PRKAG3: variants seen among roughly 807,000 people sequenced by gnomAD.
The protein encoded by PRKAG3 is 5'-AMP-activated protein kinase subunit gamma-3.
In PRKAG3, 39 loss-of-function variants were observed where a neutral mutation model predicts 56.5. The ratio of observed to expected loss-of-function variants is 0.69; its 90% CI spans 0.53 to 0.90. The LOEUF is 0.90. Ranked by LOEUF, PRKAG3 falls within the 40% of genes least tolerant of loss-of-function variation. The pLI, the probability that PRKAG3 is intolerant of heterozygous loss-of-function variation, is 0.00. For synonymous variants in PRKAG3, 243 were observed against 250.1 expected (o/e 0.97, Z 0.27); for missense variants, 628 against 627.5 (o/e 1.00, Z -0.01).
exon 4 of PRKAG3, chr2:218,830,264 C>T (rs148785315): frequency 6.2e-7 from 1 of 1,613,854 alleles, no homozygotes; most frequent in Non-Finnish European, 8.5e-7. Flanking sequence ...AGAGGGGAGG[C>T]AGTCCCACCC....
At chr2:218,830,243 G>A (rs780907176) in exon 4 of PRKAG3, 2 of 1,614,034 alleles carry the variant, frequency 1.2e-6, no homozygotes, top group African/African-American at 2.7e-5. Context: ...TGCAGCTGAG[G>A]CTGTACAGTC....
chr2:218,831,309 G>A, intron 2 of PRKAG3, 27 bp downstream of exon 2: 1 of 1,560,844 alleles, frequency 6.4e-7, no homozygotes, highest in Non-Finnish European at 8.7e-7. Flanking sequence ...AAGAGGTTAG[G>A]CCCCAGGGAG....
In PRKAG3 at chr2:218,827,497, G is replaced by A. The variant is rs1362067376; in HGVS notation, c.875+78C>T. 2 of 1,601,036 alleles carry A rather than the reference G, an allele frequency of 1.2e-6. No homozygotes were observed. The highest frequency in any genetic ancestry group is 2.7e-5 in the African/African-American group (2 of 74,568). ...TCTGTGTGCCGCCTAGGATGAAGAG[G>A]TGAGTTCAGAGCTGAGTGGGACTGG... On this transcript the variant is annotated intron_variant, in intron 8 of 12. Coordinates refer to ENST00000529249, the Ensembl canonical transcript of PRKAG3. The surrounding 1 kb of genome is among the most constrained non-coding windows in gnomAD (Gnocchi z 5.3).
intron 12 of PRKAG3, 70 bp downstream of exon 12, chr2:218,824,152 A>G (rs1296371795): frequency 5.6e-6 from 9 of 1,611,086 alleles, no homozygotes; most frequent in Middle Eastern, 3.4e-4. Context: ...ATGTTCAGGG[A>G]TGGCTGGAGC....
At chr2:218,829,545 C>T (rs1363187289) in intron 4 of PRKAG3, among the ~76,000 whole-genome samples, 1 of 151,734 alleles carries the variant, frequency 6.6e-6, no homozygotes, top group Non-Finnish European at 1.5e-5. Context: ...TCAGGCCGGT[C>T]TCGAACTCCT....
intron 3 of PRKAG3, 92 bp from the exon 4 acceptor site, chr2:218,830,473 G>C: frequency 6.8e-7 from 1 of 1,479,026 alleles, no homozygotes; most frequent in South Asian, 1.3e-5. Context: ...GCAGCAGTGG[G>C]AAGCCTGGAT....
chr2:218,823,663 C>G, exon 13 of PRKAG3: 3 of 1,599,022 alleles, frequency 1.9e-6, no homozygotes, highest in East Asian at 2.2e-5. Context: ...ATAGCTGAAC[C>G]AGCAAATGGG....
At position 218,830,767 on chromosome 2, in the gene PRKAG3, C is replaced by A; in HGVS notation, c.208G>T (p.Glu70Ter). The stretch of plus-strand genomic sequence containing the variant: ...TCACCTTCCCCCTGACCTGGTGGCT[C>A]CCCTTCCTCCACCGACTTCTGCCTT... Residue 70 changes from glutamate (E) to a stop codon, truncating the protein, a stop_gained, in exon 3 of 13, where the codon GAG becomes TAG. Coordinates refer to ENST00000529249, the Ensembl canonical transcript of PRKAG3. LOFTEE classifies it high-confidence loss of function. 2 of 1,612,592 alleles carry A rather than the reference C, an allele frequency of 1.2e-6. No homozygotes were observed. The highest frequency in any genetic ancestry group is 1.7e-6 in the Non-Finnish European group (2 of 1,180,010).
chr2:218,827,420 A>T lies in PRKAG3; in HGVS notation c.876-47T>A. On this transcript the variant is annotated intron_variant, in intron 8 of 12. Transcript: ENST00000529249. The surrounding 1 kb of genome is among the most constrained non-coding windows in gnomAD (Gnocchi z 5.3). ...GCCTCGGGGCAGCCTAGGGAGAGAC[A>T]ACCTCCATCCCAGGCCCCTAAAAAG... The T allele has an allele frequency of 6.2e-7, 1 of 1,613,262 alleles. No individual in the cohort carries two copies. Among genetic ancestry groups the T allele is most frequent in the Non-Finnish European group, 8.5e-7 (1 of 1,179,414 alleles).
intron 4 of PRKAG3, 46 bp downstream of exon 4, chr2:218,829,932 G>A (rs765850772): frequency 1.7e-5 from 27 of 1,581,228 alleles, no homozygotes; most frequent in East Asian, 4.6e-5. Context: ...CTGCAGCACC[G>A]TGTGGATGGA....
intron 3 of PRKAG3, 66 bp downstream of exon 3, chr2:218,830,680 C>A: frequency 6.4e-7 from 1 of 1,566,668 alleles, no homozygotes; most frequent in Non-Finnish European, 8.7e-7. Context: ...AGAGACCAGA[C>A]CCAGGCTCCT....
intron 2 of PRKAG3, 108 bp from the exon 3 acceptor site, chr2:218,831,009 C>T: frequency 7.6e-7 from 1 of 1,310,610 alleles, no homozygotes; most frequent in Non-Finnish European, 1.1e-6. Context: ...GGGCTTTTCT[C>T]CAACATATTT....
At chr2:218,825,377 T>C (rs1172844727) in intron 10 of PRKAG3, among the ~76,000 whole-genome samples, 3 of 148,844 alleles carry the variant, frequency 2.0e-5, no homozygotes, top group East Asian at 3.9e-4. Flanking sequence ...TCGCGGTGGC[T>C]CATGCCTGTA....
intron 1 of PRKAG3, 135 bp downstream of exon 1, chr2:218,831,603 A>G (rs1477838589): frequency 6.6e-6 from 8 of 1,217,064 alleles, no homozygotes; most frequent in Non-Finnish European, 9.4e-6. Context: ...AAACATGCAC[A>G]TGCCCATATT....
At chr2:218,825,315 G>A (rs1374625514) in intron 10 of PRKAG3, among the ~76,000 whole-genome samples, 6 of 141,650 alleles carry the variant, frequency 4.2e-5, no homozygotes, top group African/African-American at 1.1e-4. Flanking sequence ...TAGCCCAGGC[G>A]ACAGAGCAAG....
At chr2:218,831,031 C>T (rs1254777026) in intron 2 of PRKAG3, 130 bp from the exon 3 acceptor site, 3 of 1,171,478 alleles carry the variant, frequency 2.6e-6, no homozygotes, top group Non-Finnish European at 3.8e-6. Context: ...TCATTTAAAA[C>T]TTACAGCAGC....
intron 1 of PRKAG3, 82 bp downstream of exon 1, chr2:218,831,656 G>A (rs951576245): frequency 5.9e-6 from 9 of 1,513,770 alleles, no homozygotes; most frequent in Non-Finnish European, 7.2e-6. Context: ...AGACACACAC[G>A]CCCACACACA....
chr2:218,830,350 G>C (rs150179249), exon 4 of PRKAG3: 2 of 1,609,130 alleles, frequency 1.2e-6, no homozygotes, highest in South Asian at 1.1e-5. Flanking sequence ...CCTCCAGCCC[G>C]GTGGACTCAG....
Position 218,830,194 on chromosome 2 carries a change from G to T in PRKAG3, c.417C>A (p.Phe139Leu), listed in dbSNP as rs12328317. 15 of 1,614,072 alleles carry T rather than the reference G, an allele frequency of 9.3e-6. No homozygotes were observed. In the East Asian group the frequency reaches 3.3e-4, roughly 36 times the overall value. ...CACACTCCCAGGCCTCTGTGGCTGGGAACTCCGTGGCCAGCTCCACATCAT... is the reference window on the plus strand; with the variant it reads ...CACACTCCCAGGCCTCTGTGGCTGGTAACTCCGTGGCCAGCTCCACATCAT... The change falls in exon 4 of 13, where the codon TTC becomes TTA. Residue 139 changes from phenylalanine to leucine, a missense_variant. Coordinates refer to ENST00000529249, the Ensembl canonical transcript of PRKAG3.
Sources: allele counts gnomAD v4.1 joint callset (sites outside exome capture counted in the v4.1 genomes callset), GRCh38; gene constraint gnomAD v4.1.1; non-coding constraint Gnocchi (gnomAD v3.1); transcripts MANE v1.5; gene names NCBI Gene and HGNC (gene_info 2026-07-23, HGNC 2026-07-21).